The following RPS6KA2 variants were observed in gnomAD, a reference collection of about 807,000 sequenced individuals.
RPS6KA2 encodes the protein ribosomal protein S6 kinase A2, also known as ribosomal protein S6 kinase alpha-2.
RPS6KA2 carries 42 observed loss-of-function variants against 91.8 expected under a neutral mutation model. That is an observed-to-expected ratio of 0.46 (90% CI 0.36 to 0.59). RPS6KA2 has a LOEUF of 0.59. Among genes scored for constraint, RPS6KA2 ranks in the 20% least tolerant of loss-of-function variants. RPS6KA2 has a pLI of 0.00. For missense variants in RPS6KA2, 798 were observed against 978.5 expected (o/e 0.82, Z 2.46); for synonymous variants, 414 against 393.6 (o/e 1.05, Z -0.61).
chr6:166,782,775 C>G (rs6415092), intron 2 of RPS6KA2, among the ~76,000 whole-genome samples: 32,765 of 152,096 alleles, frequency 0.22, 4,357 homozygotes, highest in African/African-American at 0.37. Context: ...CCGGATGCAA[C>G]AGAAGCCAGA....
chr6:166,525,294 T>A (rs751635442), intron 3 of RPS6KA2, among the ~76,000 whole-genome samples: 1 of 152,158 alleles, frequency 6.6e-6, no homozygotes, highest in African/African-American at 2.4e-5. Flanking sequence ...TGTTGAGTCA[T>A]GAATATGGAA....
intron 1 of RPS6KA2, among the ~76,000 whole-genome samples, chr6:166,602,362 G>T (rs373958812): frequency 6.6e-6 from 1 of 152,176 alleles, no homozygotes. Flanking sequence ...GTATATACCC[G>T]AGAGAACCTC....
chr6:166,500,913 T>C lies in RPS6KA2; in HGVS notation c.578A>G (p.Asp193Gly), dbSNP rs1296850926. Reference protein sequence around the residue: ...RDLKPENILLDEEGHIKITDF... With the variant: ...RDLKPENILLGEEGHIKITDF... ...TGTGATCTTAATGTGCCCCTCTTCA[T>C]CCAGGAGGATGCTAAAAGAAAGGGA... The change falls in exon 7 of 21, where the codon GAT (aspartate) becomes GGT (glycine). Residue 193 changes from aspartate to glycine, a missense_variant. Asp to Gly is a moderately conservative substitution (Grantham distance 94). Coordinates refer to ENST00000265678, the MANE Select transcript of RPS6KA2 (RefSeq NM_021135.6). The surrounding 1 kb of genome is among the most constrained non-coding windows in gnomAD (Gnocchi z 4.3). 6 of 1,613,944 alleles carry C rather than the reference T, an allele frequency of 3.7e-6. No homozygotes were observed. Among genetic ancestry groups the C allele is most frequent in the South Asian group, 1.1e-5 (1 of 91,050 alleles).
intron 1 of RPS6KA2, among the ~76,000 whole-genome samples, chr6:166,578,569 T>C (rs1485755831): frequency 5.3e-5 from 8 of 152,224 alleles, no homozygotes; most frequent in Non-Finnish European, 1.2e-4. Flanking sequence ...ATCCCACAGA[T>C]ACTACTGATG....
upstream of RPS6KA2, among the ~76,000 whole-genome samples, chr6:166,632,068 C>T (rs1787096867): frequency 6.6e-6 from 1 of 152,154 alleles, no homozygotes; most frequent in African/African-American, 2.4e-5. Flanking sequence ...ATAGCTGAAG[C>T]TTTGTACCCT....
chr6:166,437,126 G>T lies in RPS6KA2; in HGVS notation c.1333-4636C>A, dbSNP rs780777043. Reference sequence around the variant, plus strand: ...GTGCTAACGCAGGAGTGGGCAGTGAGGTGTGGCTACAGTCCTGGAGTACAT... The same window carrying T: ...GTGCTAACGCAGGAGTGGGCAGTGATGTGTGGCTACAGTCCTGGAGTACAT... On this transcript the variant is annotated intron_variant, in intron 14 of 20. Transcript: ENST00000265678. The surrounding 1 kb of genome is among the most constrained non-coding windows in gnomAD (Gnocchi z 4.3). 5.9e-5 allele frequency among the ~76,000 whole-genome samples: 9 copies of T among 152,100 alleles called. No homozygotes were observed. Among genetic ancestry groups the T allele is most frequent in the Non-Finnish European group, 1.2e-4 (8 of 68,028 alleles).
At chr6:166,498,711 T>A in intron 7 of RPS6KA2, 61 bp from the exon 8 acceptor site, 1 of 1,589,606 alleles carries the variant, frequency 6.3e-7, no homozygotes, top group Non-Finnish European at 8.6e-7. Context: ...GGGTCCACAC[T>A]CAGGCGGGCA....
chr6:166,664,710 G>A (rs983733322), intron 2 of RPS6KA2, among the ~76,000 whole-genome samples: 1 of 152,120 alleles, frequency 6.6e-6, no homozygotes, highest in Non-Finnish European at 1.5e-5. Flanking sequence ...ACAAAATTCA[G>A]TTTTATACAT....
chr6:166,478,898 G>A (rs181990895), intron 10 of RPS6KA2, among the ~76,000 whole-genome samples: 7 of 152,298 alleles, frequency 4.6e-5, no homozygotes, highest in Admixed American at 3.3e-4. Flanking sequence ...CCCTCAGTTC[G>A]TAGAATAAAT....
At chr6:166,496,019 T>C (rs527356664) in intron 8 of RPS6KA2, among the ~76,000 whole-genome samples, 70 of 152,246 alleles carry the variant, frequency 4.6e-4, no homozygotes, top group Non-Finnish European at 9.1e-4. Flanking sequence ...TTTCTTTTTC[T>C]TTCAGCTTCT....
At chr6:166,762,607 T>G (rs948008717) in intron 2 of RPS6KA2, among the ~76,000 whole-genome samples, 2 of 152,198 alleles carry the variant, frequency 1.3e-5, no homozygotes, top group African/African-American at 4.8e-5. Flanking sequence ...TACAACCTGC[T>G]GTGCACCACG....
rs1274454149 is a variant in RPS6KA2 at position 166,648,315 on chromosome 6, GCA to G, written c.124-109533_124-109532del. On this transcript the variant is annotated intron_variant, in intron 2 of 21. Transcript: ENST00000503859. This position sits in a 1 kb window ranked among gnomAD's most constrained non-coding sequence, Gnocchi z 4.8. ...TGCACACACACGCATGTATACACAT[GCA>G]CACACACATACATGCACACGCTTCT... Among the ~76,000 whole-genome samples the G allele has an allele frequency of 6.6e-6, 1 of 151,816 alleles. No homozygotes were observed. The highest frequency in any genetic ancestry group is 6.6e-5 in the Admixed American group (1 of 15,222).
chr6:166,641,630 G>T (rs1011496294), intron 2 of RPS6KA2, among the ~76,000 whole-genome samples: 28 of 141,394 alleles, frequency 2.0e-4, no homozygotes, highest in African/African-American at 6.5e-4. Flanking sequence ...TGAGGCAGGA[G>T]AATAGTTTGA....
chr6:166,827,375 A>C (rs1780076610), intron 2 of RPS6KA2, among the ~76,000 whole-genome samples: 1 of 152,038 alleles, frequency 6.6e-6, no homozygotes, highest in Non-Finnish European at 1.5e-5. Context: ...CTACAATGGA[A>C]CACCGTTCAG....
intron 1 of RPS6KA2, chr6:166,586,109 C>T (rs1456717217): frequency 2.9e-6 from 4 of 1,384,296 alleles, no homozygotes; most frequent in Non-Finnish European, 3.8e-6. Flanking sequence ...CTAAAAGCTG[C>T]CAACATTTCT....
intron 14 of RPS6KA2, 116 bp from the exon 15 acceptor site, chr6:166,432,606 A>G (rs1249039178): frequency 3.3e-6 from 2 of 609,378 alleles, no homozygotes; most frequent in South Asian, 4.1e-5. Context: ...AATCACTACA[A>G]TCTCACACCC....
intron 2 of RPS6KA2, among the ~76,000 whole-genome samples, chr6:166,735,437 C>T (rs573361905): frequency 1.3e-5 from 2 of 152,276 alleles, no homozygotes; most frequent in South Asian, 4.1e-4. Context: ...GGGACAGTTT[C>T]AGGATGATTC....
rs143381417 is a variant in RPS6KA2, at chr6:166,500,746, T to C, written c.604+141A>G. The C allele has an allele frequency of 9.7e-4, 716 of 739,234 alleles. 1 individual carries two copies. Among genetic ancestry groups the C allele is most frequent in the Non-Finnish European group, 1.4e-3 (590 of 424,910 alleles). 45.8% of individuals were successfully genotyped at this position (739,234 alleles called of 1,614,324 possible). A position where few individuals can be genotyped will look rare whatever the true frequency, so the allele number is the denominator to read the frequency against. On this transcript the variant is annotated intron_variant, in intron 7 of 20. Coordinates refer to ENST00000265678, the MANE Select transcript of RPS6KA2 (RefSeq NM_021135.6). The surrounding 1 kb of genome is among the most constrained non-coding windows in gnomAD (Gnocchi z 4.3). ...CAATGCCATAAGCAGTCTGTAGCTA[T>C]AGAAAATTCTGCCAAATCAGAGACA...
intron 3 of RPS6KA2, among the ~76,000 whole-genome samples, chr6:166,518,817 C>A (rs1408077129): frequency 6.6e-6 from 1 of 152,224 alleles, no homozygotes; most frequent in Non-Finnish European, 1.5e-5. Flanking sequence ...ACAGTCATTA[C>A]ACCAAGCAAT....
Sources: gnomAD v4.1 joint callset for allele counts (sites outside exome capture counted in the v4.1 genomes callset) on GRCh38, gnomAD v4.1.1 for gene constraint, Gnocchi (gnomAD v3.1) non-coding constraint, MANE v1.5 for transcripts, NCBI Gene and HGNC (gene_info 2026-07-23, HGNC 2026-07-21) for gene names.